Variants in CCDC150 observed in about 807,000 individuals in gnomAD.
CCDC150 encodes the protein coiled-coil domain-containing protein 150.
A neutral mutation model predicts 156.5 loss-of-function variants in CCDC150; 151 were observed. The ratio of observed to expected loss-of-function variants is 0.97; its 90% CI spans 0.85 to 1.10. The LOEUF is 1.10. Among genes scored for constraint, CCDC150 ranks in the 50% least tolerant of loss-of-function variants. CCDC150 has a pLI of 0.00. For synonymous variants in CCDC150, 452 were observed against 429.4 expected, an observed-to-expected ratio of 1.05 and a Z score of -0.65; for missense variants, 1,312 against 1,268.1, an observed-to-expected ratio of 1.03 and a Z score of -0.53.
intron 15 of CCDC150, among the ~76,000 whole-genome samples, chr2:196,708,319 G>A (rs1696831079): frequency 6.6e-6 from 1 of 152,088 alleles, no homozygotes; most frequent in Non-Finnish European, 1.5e-5. Flanking sequence ...TCAGAGACTA[G>A]GATTGCAACC....
intron 14 of CCDC150, among the ~76,000 whole-genome samples, chr2:196,700,355 T>C (rs1287020026): frequency 6.6e-6 from 1 of 152,222 alleles, no homozygotes; most frequent in East Asian, 1.9e-4. Context: ...TATTTCCTGT[T>C]ATTAAGATAT....
chr2:196,684,866 T>G (rs1016466552), intron 13 of CCDC150, among the ~76,000 whole-genome samples: 2 of 152,124 alleles, frequency 1.3e-5, no homozygotes, highest in African/African-American at 4.8e-5. Context: ...TCTAGCTCTT[T>G]TTAGATTACT....
chr2:196,721,120 T>TC (rs1233109507), intron 20 of CCDC150, among the ~76,000 whole-genome samples: 4 of 151,700 alleles, frequency 2.6e-5, no homozygotes, highest in African/African-American at 9.7e-5. Context: ...AGGTTTTTTT[T>TC]CTGTAAGAAT....
At chr2:196,661,906 T>TA (rs1453308916) in intron 5 of CCDC150, among the ~76,000 whole-genome samples, 1 of 152,166 alleles carries the variant, frequency 6.6e-6, no homozygotes, top group Admixed American at 6.5e-5. Flanking sequence ...CAAGCCTACA[T>TA]AATGGGGGTG....
Position 196,656,947 on chromosome 2 carries a change from C to A in CCDC150, c.398-11C>A. 6.2e-7 allele frequency: 1 copy of A among 1,612,660 alleles called. No homozygotes were observed. Among genetic ancestry groups the A allele is most frequent in the Non-Finnish European group, 8.5e-7 (1 of 1,179,232 alleles). On this transcript the variant is annotated splice_polypyrimidine_tract_variant and intron_variant, in intron 3 of 27. Transcript: ENST00000389175. ...TCTGCTGCTTGATGCCCCTCCTGTG[C>A]GGTCTGGTAGCTTTTCTGAAAGATC...
At position 196,707,224 on chromosome 2, in the gene CCDC150, G is replaced by A. The variant is rs182150726; in HGVS notation, c.1696-4921G>A. 1.3e-3 allele frequency among the ~76,000 whole-genome samples: 192 copies of A among 152,194 alleles called. 2 individuals are homozygous for A. Among genetic ancestry groups the A allele is most frequent in the Middle Eastern group, 3.4e-3 (1 of 294 alleles). The stretch of plus-strand genomic sequence containing the variant: ...TATTTAGAAGTTCAATTTCTTCCTG[G>A]TTTAGTCTTGGGAGAGTGTATGTGT... On this transcript the variant is annotated intron_variant, in intron 15 of 27. Coordinates refer to ENST00000389175, the MANE Select transcript of CCDC150 (RefSeq NM_001080539.2).
chr2:196,666,596 GACTA>G, intron 6 of CCDC150, 119 bp from the exon 7 acceptor site: 4 of 819,102 alleles, frequency 4.9e-6, no homozygotes, highest in Non-Finnish European at 7.6e-6. Flanking sequence ...CTGTAACATA[GACTA>G]ACTTCTTGTT....
rs565146263 is a variant in CCDC150 at position 196,730,202 on chromosome 2, T to G, written c.2982+84T>G. On this transcript the variant is annotated intron_variant, in intron 25 of 27. Transcript: ENST00000389175. ...CCAGTAGTTTTGCACCTAGACTTTC[T>G]AGAGTCTACAGAAGACAACACACAT... 1,601 of 1,197,074 alleles carry G rather than the reference T, an allele frequency of 1.3e-3. 4 individuals are homozygous for G. Among genetic ancestry groups the G allele is most frequent in the Non-Finnish European group, 1.8e-3 (1,512 of 859,948 alleles). 74.2% of individuals were successfully genotyped at this position (1,197,074 alleles called of 1,614,324 possible).
Position 196,676,229 on chromosome 2 carries a change from G to T in CCDC150, c.1224G>T (p.Gln408His). Residue 408 changes from glutamine (Q) to histidine (H), a missense_variant, in exon 11 of 28, where the codon CAG becomes CAT. Coordinates refer to ENST00000389175, the MANE Select transcript of CCDC150 (RefSeq NM_001080539.2). ...AAHASITNELQTVQNEKTQLQ... is the reference protein window; with the variant it reads ...AAHASITNELHTVQNEKTQLQ... ...ATGCCAGTATCACAAATGAACTACA[G>T]ACTGTTCAGAATGAGAAAACCCAAC... The T allele has an allele frequency of 6.2e-7, 1 of 1,613,580 alleles. No individual in the cohort carries two copies. The highest frequency in any genetic ancestry group is 8.5e-7 in the Non-Finnish European group (1 of 1,179,604).
intron 5 of CCDC150, among the ~76,000 whole-genome samples, chr2:196,662,813 G>A (rs1264325893): frequency 1.3e-5 from 2 of 152,188 alleles, no homozygotes; most frequent in Non-Finnish European, 2.9e-5. Context: ...GTGTACACCT[G>A]TGGTCCCAGC....
chr2:196,694,052 ATT>A (rs57421391), intron 13 of CCDC150, among the ~76,000 whole-genome samples: 219 of 79,424 alleles, frequency 2.8e-3, no homozygotes, highest in African/African-American at 4.7e-3. Flanking sequence ...TTTGTGGAAG[ATT>A]TTTTTTTTTT....
chr2:196,712,395 A>G, intron 16 of CCDC150, 143 bp downstream of exon 16: 1 of 575,522 alleles, frequency 1.7e-6, no homozygotes, highest in South Asian at 2.9e-5. Context: ...CTTTTTTTCA[A>G]GCACCTAGTA....
intron 21 of CCDC150, among the ~76,000 whole-genome samples, chr2:196,723,450 T>G (rs1462592232): frequency 2.0e-5 from 3 of 151,980 alleles, no homozygotes; most frequent in Non-Finnish European, 4.4e-5. Context: ...GAGGTTGCAG[T>G]GAGATCAGGC....
At chr2:196,667,763 A>G (rs1469852316) in intron 7 of CCDC150, 1 of 152,234 alleles carries the variant, frequency 6.6e-6, no homozygotes, top group Non-Finnish European at 1.5e-5. Context: ...TATAAAAAAT[A>G]TAGAGCAAGA....
intron 10 of CCDC150, 54 bp from the exon 11 acceptor site, chr2:196,676,089 C>T: frequency 6.3e-7 from 1 of 1,578,192 alleles, no homozygotes; most frequent in Non-Finnish European, 8.7e-7. Flanking sequence ...CAAATGACAC[C>T]CTATCAAAAG....
chr2:196,639,937 C>T (rs1335284012), intron 1 of CCDC150, among the ~76,000 whole-genome samples, 159 bp downstream of exon 1: 1 of 152,182 alleles, frequency 6.6e-6, no homozygotes, highest in Non-Finnish European at 1.5e-5. Context: ...GGCGCTTTGG[C>T]GTTGGCTGCC....
At chr2:196,694,632 G>T (rs1368203196) in intron 13 of CCDC150, among the ~76,000 whole-genome samples, 2 of 152,112 alleles carry the variant, frequency 1.3e-5, no homozygotes, top group Admixed American at 6.5e-5. Context: ...GTGGGGCTGA[G>T]GCGGGCAGAT....
intron 26 of CCDC150, 139 bp downstream of exon 26, chr2:196,731,084 G>T: frequency 1.7e-6 from 1 of 600,778 alleles, no homozygotes. Flanking sequence ...CTTCCTAAGT[G>T]TAGTCTCTAT....
intron 15 of CCDC150, among the ~76,000 whole-genome samples, chr2:196,710,408 G>A (rs1253502690): frequency 6.6e-6 from 1 of 152,144 alleles, no homozygotes; most frequent in Non-Finnish European, 1.5e-5. Flanking sequence ...CATCTGTTAC[G>A]GCTTCCCTTG....
Sources: gnomAD v4.1 joint callset for allele counts (sites outside exome capture counted in the v4.1 genomes callset) on GRCh38, gnomAD v4.1.1 for gene constraint, MANE v1.5 for transcripts, NCBI Gene and HGNC (gene_info 2026-07-23, HGNC 2026-07-21) for gene names.